KCNQ5: variants seen among roughly 807,000 people sequenced by gnomAD.
KCNQ5 encodes the protein potassium voltage-gated channel subfamily KQT member 5.
In KCNQ5, 30 loss-of-function variants were observed where a neutral mutation model predicts 98.2. The ratio of observed to expected loss-of-function variants is 0.31; its 90% CI spans 0.23 to 0.41. The LOEUF is 0.41. Among genes scored for constraint, KCNQ5 ranks in the 10% least tolerant of loss-of-function variants. The pLI is 1.00. For missense variants in KCNQ5, 835 were observed against 1,182.5 expected (o/e 0.71, Z 4.31); for synonymous variants, 458 against 449.4 (o/e 1.02, Z -0.24).
chr6:73,135,239 C>T (rs541269369), intron 10 of KCNQ5: 7 of 151,750 alleles, frequency 4.6e-5, no homozygotes, highest in Non-Finnish European at 1.0e-4. Flanking sequence ...ATTCATGTAT[C>T]TATAGGAACA....
intron 1 of KCNQ5, among the ~76,000 whole-genome samples, chr6:72,670,551 C>G (rs917981343): frequency 6.6e-6 from 1 of 152,052 alleles, no homozygotes; most frequent in Non-Finnish European, 1.5e-5. Context: ...TTCAGGCTGC[C>G]ATAATAAAAT....
intron 6 of KCNQ5, among the ~76,000 whole-genome samples, chr6:73,106,766 C>G (rs1775018379): frequency 6.6e-6 from 1 of 152,186 alleles, no homozygotes; most frequent in Admixed American, 6.5e-5. Flanking sequence ...GCAATTCAGC[C>G]TGAACAGTGA....
At chr6:72,849,253 A>G (rs972513742) in intron 1 of KCNQ5, among the ~76,000 whole-genome samples, 2 of 152,148 alleles carry the variant, frequency 1.3e-5, no homozygotes, top group African/African-American at 4.8e-5. Context: ...TAAACATACA[A>G]GTGCAGGTAT....
intron 6 of KCNQ5, among the ~76,000 whole-genome samples, chr6:73,109,740 TAGAC>T (rs1422313367): frequency 2.0e-5 from 3 of 152,162 alleles, no homozygotes; most frequent in Non-Finnish European, 2.9e-5. Context: ...ATAGAGATCT[TAGAC>T]AGCGTAAGAC....
At chr6:72,841,063 A>G (rs955220565) in intron 1 of KCNQ5, among the ~76,000 whole-genome samples, 2 of 152,216 alleles carry the variant, frequency 1.3e-5, no homozygotes, top group African/African-American at 4.8e-5. Context: ...TCATTACAAT[A>G]CGTAATATAG....
At chr6:73,116,810 AACTTTCAGG>A (rs1432315625) in intron 7 of KCNQ5, among the ~76,000 whole-genome samples, 6 of 152,206 alleles carry the variant, frequency 3.9e-5, no homozygotes, top group Non-Finnish European at 5.9e-5. Flanking sequence ...CATAGCCTAA[AACTTTCAGG>A]ACTTTCACAT....
At chr6:72,945,387 A>G (rs1018427738) in intron 1 of KCNQ5, among the ~76,000 whole-genome samples, 5 of 146,984 alleles carry the variant, frequency 3.4e-5, no homozygotes, top group African/African-American at 1.0e-4. Context: ...ATATCTCCAA[A>G]TGCTATCCCT....
At chr6:72,899,464 G>A (rs554067750) in intron 1 of KCNQ5, among the ~76,000 whole-genome samples, 1 of 152,216 alleles carries the variant, frequency 6.6e-6, no homozygotes, top group South Asian at 2.1e-4. Flanking sequence ...TAGTTTTGAG[G>A]TGCATGATAC....
At chr6:72,869,193 G>A (rs1778105909) in intron 1 of KCNQ5, among the ~76,000 whole-genome samples, 1 of 152,162 alleles carries the variant, frequency 6.6e-6, no homozygotes, top group Non-Finnish European at 1.5e-5. Context: ...TCAAGACTTA[G>A]TCTCTGATAA....
At position 73,070,034 on chromosome 6, in the gene KCNQ5, A is replaced by G. The variant is rs1427163905; in HGVS notation, c.617-7288A>G. Among the ~76,000 whole-genome samples the G allele has an allele frequency of 2.6e-5, 4 of 152,340 alleles. No homozygotes were observed. In the East Asian group the frequency reaches 7.7e-4, roughly 29 times the overall value. ...ATATGAAACATACTATGGAAGCAGAATCAACAAAAGTAAACCACTCAGTAG... is the reference window on the plus strand; with the variant it reads ...ATATGAAACATACTATGGAAGCAGAGTCAACAAAAGTAAACCACTCAGTAG... On this transcript the variant is annotated intron_variant, in intron 3 of 13. Coordinates refer to ENST00000370398, the MANE Select transcript of KCNQ5 (RefSeq NM_019842.4).
At chr6:72,651,656 A>T (rs986534034) in intron 1 of KCNQ5, among the ~76,000 whole-genome samples, 2 of 151,988 alleles carry the variant, frequency 1.3e-5, no homozygotes, top group Non-Finnish European at 2.9e-5. Flanking sequence ...TAATTTTGCA[A>T]TGTGTACCTC....
At chr6:73,037,593 C>T (rs2150354227) in intron 2 of KCNQ5, among the ~76,000 whole-genome samples, 1 of 152,150 alleles carries the variant, frequency 6.6e-6, no homozygotes, top group South Asian at 2.1e-4. Flanking sequence ...TCCAATTTTT[C>T]CAGCATCATT....
Position 72,622,520 on chromosome 6 carries a change from G to T in KCNQ5, c.331G>T (p.Val111Leu), listed in dbSNP as rs2098915857. 2.5e-6 allele frequency: 4 copies of T among 1,608,714 alleles called. No homozygotes were observed. The South Asian group carries it at 4.4e-5, about 18-fold the overall frequency. The change falls in exon 1 of 14, where the codon GTG becomes TTG. Residue 111 changes from valine (V) to leucine (L), a missense_variant. By Grantham distance (32) the Val-to-Leu change is conservative. Transcript: ENST00000370398. The surrounding 1 kb of genome is among the most constrained non-coding windows in gnomAD (Gnocchi z 6.0). ...CCGGCGCAACGTCAAGTACCGGCGG[G>T]TGCAGAACTACCTGTACAACGTGCT... ...SCRRNVKYRR[V>L]QNYLYNVLER...
chr6:72,634,764 T>G (rs925931143), intron 1 of KCNQ5, among the ~76,000 whole-genome samples: 8 of 152,032 alleles, frequency 5.3e-5, no homozygotes, highest in Non-Finnish European at 1.2e-4. Flanking sequence ...GATGGGGTTT[T>G]GTTATGTTGA....
chr6:72,852,714 TA>T (rs375947764), intron 1 of KCNQ5, among the ~76,000 whole-genome samples: 43,082 of 128,108 alleles, frequency 0.34, 7,677 homozygotes, highest in South Asian at 0.39. Flanking sequence ...TTTACCTCAA[TA>T]AAAAAAAGAT....
intron 10 of KCNQ5, chr6:73,158,124 G>C: frequency 4.9e-6 from 2 of 411,442 alleles, no homozygotes; most frequent in Non-Finnish European, 9.2e-6. Context: ...TCGCCCTCCC[G>C]CTACAGGTTG....
intron 10 of KCNQ5, among the ~76,000 whole-genome samples, chr6:73,150,621 A>G (rs886483273): frequency 2.0e-5 from 3 of 150,854 alleles, no homozygotes; most frequent in African/African-American, 7.3e-5. Flanking sequence ...TTTAACCAAT[A>G]GGCAAAAGGT....
rs1056487363 is a variant in KCNQ5 at position 73,039,480 on chromosome 6, A to C, written c.490-2456A>C. On this transcript the variant is annotated intron_variant, in intron 2 of 13. Coordinates refer to ENST00000370398, the MANE Select transcript of KCNQ5 (RefSeq NM_019842.4). Reference sequence around the variant, plus strand: ...TAGTGCTATAAATTTTCCTCTCAGCACTGCTTTTACTGCATCCTACATATT... The same window carrying C: ...TAGTGCTATAAATTTTCCTCTCAGCCCTGCTTTTACTGCATCCTACATATT... Among the ~76,000 whole-genome samples the C allele has an allele frequency of 3.3e-5, 5 of 152,058 alleles. No homozygotes were observed. In the South Asian group the frequency reaches 8.3e-4, roughly 25 times the overall value.
chr6:73,160,189 T>C (rs1396131633), intron 10 of KCNQ5, among the ~76,000 whole-genome samples: 1 of 151,874 alleles, frequency 6.6e-6, no homozygotes, highest in Non-Finnish European at 1.5e-5. Flanking sequence ...GTTTTTTTTT[T>C]GTATTTTTAG....
Sources: allele counts gnomAD v4.1 joint callset (sites outside exome capture counted in the v4.1 genomes callset), GRCh38; gene constraint gnomAD v4.1.1; non-coding constraint Gnocchi (gnomAD v3.1); transcripts MANE v1.5; gene names NCBI Gene and HGNC (gene_info 2026-07-23, HGNC 2026-07-21).